The following GTF2H5 variants were observed in gnomAD, a reference collection of about 807,000 sequenced individuals.
GTF2H5 encodes TFB5 ortholog.
Under a neutral mutation model 7.1 loss-of-function variants are expected in GTF2H5, and 5 were observed. The ratio of observed to expected loss-of-function variants is 0.71; its 90% CI spans 0.37 to 1.49. The LOEUF (loss-of-function observed/expected upper bound fraction) is 1.49. Among genes scored for constraint, GTF2H5 ranks in the 40% most tolerant of loss-of-function variants. The pLI is 0.03. For synonymous variants in GTF2H5, 30 were observed against 31.7 expected (o/e 0.95, Z 0.18); for missense variants, 80 against 83.0 (o/e 0.96, Z 0.14).
chr6:158,177,151 G>A (rs1174153990), intron 2 of GTF2H5, among the ~76,000 whole-genome samples: 1 of 152,146 alleles, frequency 6.6e-6, no homozygotes, highest in Admixed American at 6.5e-5. Context: ...CATTTGATAG[G>A]GATAGAACTA....
chr6:158,169,441 A>ATATATTATATTATATAT (rs377624565), intron 1 of GTF2H5, among the ~76,000 whole-genome samples: 2 of 64,624 alleles, frequency 3.1e-5, no homozygotes, highest in African/African-American at 1.5e-4. Flanking sequence ...TGTATATTAT[A>ATATATTATATTATATAT]TATATTATAT....
chr6:158,184,709 T>A (rs1014310916), intron 2 of GTF2H5, among the ~76,000 whole-genome samples: 2 of 152,190 alleles, frequency 1.3e-5, no homozygotes, highest in African/African-American at 4.8e-5. Flanking sequence ...TACTTAAAAA[T>A]TTTTTAAGTA....
intron 2 of GTF2H5, among the ~76,000 whole-genome samples, chr6:158,186,316 A>G (rs73794542): frequency 0.035 from 5,386 of 152,310 alleles, 309 homozygotes; most frequent in African/African-American, 0.12. Context: ...TTCCATTTAG[A>G]AAATTCCCAA....
chr6:158,175,010 A>ATTGTGTG (rs372393771), intron 2 of GTF2H5, among the ~76,000 whole-genome samples: 2 of 138,246 alleles, frequency 1.4e-5, no homozygotes, highest in Non-Finnish European at 3.0e-5. Flanking sequence ...TGTGCCTGAG[A>ATTGTGTG]TGTGTGTGTG....
intron 2 of GTF2H5, among the ~76,000 whole-genome samples, chr6:158,187,809 G>A (rs962135943): frequency 1.3e-5 from 2 of 151,630 alleles, no homozygotes; most frequent in African/African-American, 4.8e-5. Flanking sequence ...CTCGTGATCC[G>A]CCTGCCTCGG....
chr6:158,187,768 G>T (rs554176683), intron 2 of GTF2H5, among the ~76,000 whole-genome samples: 9 of 152,092 alleles, frequency 5.9e-5, no homozygotes, highest in Non-Finnish European at 1.2e-4. Flanking sequence ...GGGTTTCACC[G>T]TGTTATCCAG....
chr6:158,169,149 G>A (rs974243933), intron 1 of GTF2H5, among the ~76,000 whole-genome samples: 15 of 149,426 alleles, frequency 1.0e-4, no homozygotes, highest in Non-Finnish European at 1.8e-4. Context: ...CAGGAGAATC[G>A]CTTGAGCCCG....
chr6:158,191,665 G>A (rs1357136174), intron 2 of GTF2H5, among the ~76,000 whole-genome samples: 1 of 152,026 alleles, frequency 6.6e-6, no homozygotes, highest in Non-Finnish European at 1.5e-5. Flanking sequence ...TGTATTTTTA[G>A]TAGAGACGGG....
intron 2 of GTF2H5, among the ~76,000 whole-genome samples, chr6:158,178,601 G>A (rs1785965045): frequency 6.6e-6 from 1 of 152,112 alleles, no homozygotes; most frequent in Non-Finnish European, 1.5e-5. Context: ...CTAATGACCA[G>A]TGATGATGAG....
intron 1 of GTF2H5, among the ~76,000 whole-genome samples, chr6:158,169,087 G>A (rs6936797): frequency 0.37 from 55,864 of 150,292 alleles, 11,642 homozygotes; most frequent in African/African-American, 0.55. Context: ...TACAAAATTT[G>A]GCCTGGCGTG....
rs1013662376 is a variant in GTF2H5 at position 158,196,077 on chromosome 6, CA to C, written c.*3924del. The stretch of plus-strand genomic sequence containing the variant: ...CGGGCAAATCACAAGGTCAGGAGAT[CA>C]AAACAATCCTGGCTAACAAGGTGAA... On this transcript the variant is annotated 3_prime_UTR_variant, in exon 3 of 3. Coordinates refer to ENST00000607778, the MANE Select transcript of GTF2H5 (RefSeq NM_207118.3). 15 of 152,102 alleles carry C rather than the reference CA, an allele frequency of 9.9e-5. No individual in the cohort carries two copies. The allele number at this position is 152,102 out of a possible 1,614,324, so 9.4% of individuals were successfully genotyped here.
At chr6:158,175,010 ATGTGTGTGTGTGTGTGTGTGTGTG>A (rs200557393) in intron 2 of GTF2H5, among the ~76,000 whole-genome samples, 1 of 138,246 alleles carries the variant, frequency 7.2e-6, no homozygotes, top group Admixed American at 7.2e-5. Context: ...TGTGCCTGAG[ATGTGTGTGTGTGTGTGTGTGTGTG>A]TGTGTGTGTG....
At chr6:158,176,157 G>T (rs1224521666) in intron 2 of GTF2H5, among the ~76,000 whole-genome samples, 2 of 152,072 alleles carry the variant, frequency 1.3e-5, no homozygotes, top group Non-Finnish European at 2.9e-5. Context: ...CGGTATTCTG[G>T]CTCCAGAGCC....
chr6:158,184,374 G>A lies in GTF2H5; in HGVS notation c.36-7603G>A, dbSNP rs558962521. On this transcript the variant is annotated intron_variant, in intron 2 of 2. Coordinates refer to ENST00000607778, the MANE Select transcript of GTF2H5 (RefSeq NM_207118.3). ...TACATATTTTGGTTGGCAGAGCTGG[G>A]GTCTGGGGCTAGGCTTTCTGGGTCC... is the stretch of plus-strand genomic sequence containing the variant. Among the ~76,000 whole-genome samples the A allele has an allele frequency of 3.9e-5, 6 of 152,254 alleles. No homozygotes were observed. In the South Asian group the frequency reaches 1.2e-3, roughly 32 times the overall value.
In GTF2H5 at chr6:158,176,456, A is replaced by C. The variant is rs867833788; in HGVS notation, c.35+5918A>C. Among the ~76,000 whole-genome samples, 26 of 152,170 alleles carry C rather than the reference A, an allele frequency of 1.7e-4. 1 individual carries two copies. The South Asian group carries it at 3.5e-3, about 21-fold the overall frequency. On this transcript the variant is annotated intron_variant, in intron 2 of 2. Transcript: ENST00000607778. ...TGGCCAGGCTGGTCTTGAACTCCTG[A>C]CCTCGTGATCCACCCACCTCGGCCT...
At chr6:158,172,407 G>C (rs547425277) in intron 2 of GTF2H5, among the ~76,000 whole-genome samples, 83 of 151,736 alleles carry the variant, frequency 5.5e-4, no homozygotes, top group Non-Finnish European at 1.1e-3. Context: ...CGATACTGCT[G>C]CCTCAGCTGC....
At chr6:158,191,937 G>T in intron 2 of GTF2H5, 40 bp from the exon 3 acceptor site, 1 of 1,524,650 alleles carries the variant, frequency 6.6e-7, no homozygotes, top group South Asian at 1.1e-5. Flanking sequence ...GATGTGATTT[G>T]ACAACAAGCT....
At position 158,193,167 on chromosome 6, in the gene GTF2H5, A is replaced by G. The variant is rs765295732; in HGVS notation, c.*1010A>G. 1 of 147,384 alleles carries G rather than the reference A, an allele frequency of 6.8e-6. No homozygotes were observed. Among genetic ancestry groups the G allele is most frequent in the Non-Finnish European group, 1.5e-5 (1 of 67,052 alleles). The allele number at this position is 147,384 out of a possible 1,614,324, so 9.1% of individuals were successfully genotyped here. ...GTCTCTACAAAAAAAAAAATACAAAAATCTGCCTGTTGTCCCAGCCACTGG... is the reference window on the plus strand; with the variant it reads ...GTCTCTACAAAAAAAAAAATACAAAGATCTGCCTGTTGTCCCAGCCACTGG... On this transcript the variant is annotated 3_prime_UTR_variant, in exon 3 of 3. Coordinates refer to ENST00000607778, the MANE Select transcript of GTF2H5 (RefSeq NM_207118.3).
At chr6:158,184,243 G>GA (rs992801163) in intron 2 of GTF2H5, among the ~76,000 whole-genome samples, 1,617 of 146,818 alleles carry the variant, frequency 0.011, 13 homozygotes, top group African/African-American at 0.017. Context: ...ACAAGAAAAG[G>GA]AAAAAAAAAA....
Sources: allele counts gnomAD v4.1 joint callset (sites outside exome capture counted in the v4.1 genomes callset), GRCh38; gene constraint gnomAD v4.1.1; transcripts MANE v1.5; gene names NCBI Gene and HGNC (gene_info 2026-07-23, HGNC 2026-07-21).